The following GRIK4 variants were observed in gnomAD, a reference collection of about 807,000 sequenced individuals.
GRIK4 encodes glutamate receptor ionotropic, kainate 4.
A neutral mutation model predicts 104.9 loss-of-function variants in GRIK4; 40 were observed. That is an observed-to-expected ratio of 0.38 (90% confidence interval 0.30 to 0.50). The LOEUF is 0.50. GRIK4 is among the 20% of genes least tolerant of loss of function. The pLI, the probability that GRIK4 is intolerant of heterozygous loss-of-function variation, is 0.93. For synonymous variants in GRIK4, 485 were observed against 524.9 expected (o/e 0.92, Z 1.04); for missense variants, 1,047 against 1,308.1 (o/e 0.80, Z 3.08).
intron 16 of GRIK4, among the ~76,000 whole-genome samples, chr11:120,958,452 G>A (rs2134719547): frequency 6.6e-6 from 1 of 152,348 alleles, no homozygotes; most frequent in African/African-American, 2.4e-5. Context: ...CACACTAACA[G>A]TTCCTAGTTC....
chr11:120,633,933 CG>C (rs979983318), intron 1 of GRIK4, among the ~76,000 whole-genome samples: 4 of 152,034 alleles, frequency 2.6e-5, no homozygotes, highest in Non-Finnish European at 4.4e-5. Context: ...TCTGTGAGCA[CG>C]GGGGTGGGAG....
chr11:120,621,032 G>C (rs931575734), intron 1 of GRIK4, among the ~76,000 whole-genome samples: 1 of 152,180 alleles, frequency 6.6e-6, no homozygotes, highest in African/African-American at 2.4e-5. Flanking sequence ...TATATCCTCA[G>C]CCATTATTTA....
chr11:120,651,900 C>T (rs1949624309), intron 1 of GRIK4, among the ~76,000 whole-genome samples: 1 of 152,176 alleles, frequency 6.6e-6, no homozygotes, highest in Admixed American at 6.5e-5. Context: ...TTATTATGAT[C>T]ATCATAATCA....
chr11:120,711,755 G>A (rs943512196), intron 3 of GRIK4, among the ~76,000 whole-genome samples: 16 of 152,348 alleles, frequency 1.1e-4, no homozygotes, highest in Non-Finnish European at 1.3e-4. Context: ...TGAACCTGCA[G>A]AAGGCCTTTT....
intron 1 of GRIK4, among the ~76,000 whole-genome samples, chr11:120,546,268 T>G (rs564129519): frequency 6.6e-6 from 1 of 152,316 alleles, no homozygotes; most frequent in East Asian, 1.9e-4. Context: ...GTGGGTTTGC[T>G]CCTGCAGTCT....
intron 13 of GRIK4, among the ~76,000 whole-genome samples, chr11:120,910,767 G>C (rs916664188): frequency 6.6e-6 from 1 of 152,210 alleles, no homozygotes; most frequent in African/African-American, 2.4e-5. Flanking sequence ...ATTCGGGTGA[G>C]AGCAGGGTGA....
At chr11:120,946,110 G>A (rs762801718) in intron 14 of GRIK4, among the ~76,000 whole-genome samples, 8 of 152,224 alleles carry the variant, frequency 5.3e-5, no homozygotes, top group Non-Finnish European at 1.0e-4. Context: ...ATATCTGTGT[G>A]AATGGAGGGG....
chr11:120,776,259 C>T (rs951902717), intron 3 of GRIK4, among the ~76,000 whole-genome samples: 1 of 152,096 alleles, frequency 6.6e-6, no homozygotes, highest in African/African-American at 2.4e-5. Context: ...CCTCTGGGAC[C>T]GCGTGGACCA....
chr11:120,896,512 C>A (rs1592054155), intron 11 of GRIK4, among the ~76,000 whole-genome samples: 1 of 152,238 alleles, frequency 6.6e-6, no homozygotes, highest in South Asian at 2.1e-4. Flanking sequence ...GTCATCTCCC[C>A]TTTTCCACAG....
chr11:120,749,144 C>T (rs1472282469), intron 3 of GRIK4, among the ~76,000 whole-genome samples: 1 of 152,068 alleles, frequency 6.6e-6, no homozygotes. Flanking sequence ...CCTGCTTGGC[C>T]CTATAGTACT....
intron 3 of GRIK4, among the ~76,000 whole-genome samples, chr11:120,782,379 G>C (rs1031679552): frequency 1.3e-5 from 2 of 149,424 alleles, no homozygotes; most frequent in African/African-American, 5.0e-5. Context: ...TCCGCCTCCC[G>C]GGTTCACGCC....
chr11:120,930,143 A>G (rs1175243190), intron 13 of GRIK4, among the ~76,000 whole-genome samples: 2 of 152,166 alleles, frequency 1.3e-5, no homozygotes, highest in East Asian at 1.9e-4. Context: ...GAATGTGTAC[A>G]TGGGGGTCTG....
Position 120,958,478 on chromosome 11 carries a change from G to A in GRIK4, c.1874+1525G>A, listed in dbSNP as rs141650482. Among the ~76,000 whole-genome samples, 227 of 152,362 alleles carry A rather than the reference G, an allele frequency of 1.5e-3. 1 individual carries two copies. Among genetic ancestry groups the A allele is most frequent in the Middle Eastern group, 0.01 (3 of 294 alleles). Reference sequence around the variant, plus strand: ...TTCCTAGTTCTTAAATCAGGGCCTCGGTTTGGTCCGTTCCATGGAGGAGTG... The same window carrying A: ...TTCCTAGTTCTTAAATCAGGGCCTCAGTTTGGTCCGTTCCATGGAGGAGTG... On this transcript the variant is annotated intron_variant, in intron 16 of 20. Transcript: ENST00000527524.
intron 16 of GRIK4, 88 bp downstream of exon 16, chr11:120,957,041 C>T: frequency 4.3e-6 from 5 of 1,164,660 alleles, no homozygotes; most frequent in Non-Finnish European, 5.9e-6. Flanking sequence ...CTTCTAGAGC[C>T]CCAGAGCCTC....
At chr11:120,943,538 A>G (rs568514032) in intron 14 of GRIK4, among the ~76,000 whole-genome samples, 2 of 152,178 alleles carry the variant, frequency 1.3e-5, no homozygotes, top group South Asian at 4.1e-4. Flanking sequence ...CAAGAGCCTA[A>G]TTCTAAACTT....
rs535981506 is a variant in GRIK4 at position 120,598,644 on chromosome 11, G to A, written c.-158-55041G>A. 5.8e-3 allele frequency among the ~76,000 whole-genome samples: 889 copies of A among 152,290 alleles called. 7 individuals are homozygous for A. The highest frequency in any genetic ancestry group is 0.02 in the African/African-American group (818 of 41,560). The stretch of plus-strand genomic sequence containing the variant: ...CAGGTTGTCTGGGGCTGCAGGAACT[G>A]GGATGGCCTCCCTCAGTATCAGCTG... On this transcript the variant is annotated intron_variant, in intron 1 of 20. Transcript: ENST00000527524.
At chr11:120,771,959 G>A (rs139383784) in intron 3 of GRIK4, among the ~76,000 whole-genome samples, 41 of 152,352 alleles carry the variant, frequency 2.7e-4, no homozygotes, top group Admixed American at 1.4e-3. Context: ...CAGATTGGTA[G>A]AAATGGCAGT....
chr11:120,595,118 A>G (rs752876061), intron 1 of GRIK4, among the ~76,000 whole-genome samples: 3 of 152,216 alleles, frequency 2.0e-5, no homozygotes, highest in Non-Finnish European at 4.4e-5. Context: ...CGTCTGTTGC[A>G]TGTGGCTGAG....
intron 1 of GRIK4, among the ~76,000 whole-genome samples, chr11:120,580,796 G>A (rs1459991932): frequency 7.2e-5 from 11 of 152,054 alleles, no homozygotes; most frequent in Admixed American, 7.2e-4. Flanking sequence ...CTTAGGTGTG[G>A]GTTCTATATG....
Sources: gnomAD v4.1 joint callset for allele counts (sites outside exome capture counted in the v4.1 genomes callset) on GRCh38, gnomAD v4.1.1 for gene constraint, MANE v1.5 for transcripts, NCBI Gene and HGNC (gene_info 2026-07-23, HGNC 2026-07-21) for gene names.